The following GRXCR1 variants were observed in gnomAD, a reference collection of about 807,000 sequenced individuals.
The protein encoded by GRXCR1 is glutaredoxin and cysteine rich domain containing 1, also known as glutaredoxin domain-containing cysteine-rich protein 1.
In GRXCR1, 27 loss-of-function variants were observed where a neutral mutation model predicts 27.3. The ratio of observed to expected loss-of-function variants is 0.99; its 90% CI spans 0.73 to 1.37. The LOEUF is 1.37. Among genes scored for constraint, GRXCR1 ranks in the 40% most tolerant of loss-of-function variants. GRXCR1 has a pLI of 0.00. For synonymous variants in GRXCR1, 122 were observed against 131.1 expected (o/e 0.93, Z 0.47); for missense variants, 379 against 354.4 (o/e 1.07, Z -0.56).
At chr4:43,022,025 T>TA (rs1165072819) in intron 3 of GRXCR1, among the ~76,000 whole-genome samples, 1 of 152,108 alleles carries the variant, frequency 6.6e-6, no homozygotes, top group Non-Finnish European at 1.5e-5. Context: ...TCCTCTTAGC[T>TA]AAAAAAGCTG....
At chr4:43,016,633 T>TTG (rs34018617) in intron 2 of GRXCR1, among the ~76,000 whole-genome samples, 153 of 149,942 alleles carry the variant, frequency 1.0e-3, no homozygotes, top group Middle Eastern at 3.5e-3. Flanking sequence ...AGTTGTGTGT[T>TTG]TGTGTGTGTG....
chr4:42,954,714 T>G (rs929885425), intron 1 of GRXCR1, among the ~76,000 whole-genome samples: 4 of 152,152 alleles, frequency 2.6e-5, no homozygotes, highest in Admixed American at 2.6e-4. Context: ...TTTGATGTTT[T>G]GTGGTCCAAA....
intron 1 of GRXCR1, among the ~76,000 whole-genome samples, chr4:42,914,965 T>C (rs1346380368): frequency 6.6e-6 from 1 of 152,150 alleles, no homozygotes; most frequent in Non-Finnish European, 1.5e-5. Flanking sequence ...TCTTCCACCA[T>C]GATTGTAAGT....
chr4:43,013,969 G>T (rs1712850606), intron 2 of GRXCR1, among the ~76,000 whole-genome samples: 1 of 151,202 alleles, frequency 6.6e-6, no homozygotes, highest in Non-Finnish European at 1.5e-5. Flanking sequence ...GCTGAAAGAA[G>T]TGGCTCAGCA....
intron 1 of GRXCR1, among the ~76,000 whole-genome samples, chr4:42,936,103 G>C (rs181252921): frequency 1.3e-3 from 196 of 151,910 alleles, no homozygotes; most frequent in African/African-American, 4.5e-3. Flanking sequence ...TGTTAATTTG[G>C]GCAACAAGGA....
chr4:42,986,917 G>A (rs1161777549), intron 2 of GRXCR1, among the ~76,000 whole-genome samples: 2 of 151,546 alleles, frequency 1.3e-5, no homozygotes, highest in African/African-American at 4.9e-5. Flanking sequence ...CAAACATTGA[G>A]TACCTTCTGT....
At chr4:42,995,243 GA>G (rs1349130431) in intron 2 of GRXCR1, among the ~76,000 whole-genome samples, 1 of 151,950 alleles carries the variant, frequency 6.6e-6, no homozygotes, top group African/African-American at 2.4e-5. Flanking sequence ...ATGTTACTAA[GA>G]AAAAAATCCT....
intron 2 of GRXCR1, among the ~76,000 whole-genome samples, chr4:43,004,320 G>C (rs964548813): frequency 6.6e-6 from 1 of 152,230 alleles, no homozygotes; most frequent in Non-Finnish European, 1.5e-5. Context: ...TCTGCTGGAG[G>C]GGTGGAGCCC....
chr4:43,009,378 G>A (rs191265541), intron 2 of GRXCR1, among the ~76,000 whole-genome samples: 41 of 152,228 alleles, frequency 2.7e-4, no homozygotes, highest in African/African-American at 9.6e-4. Context: ...GGGTATAAGA[G>A]TTCATGCTGT....
chr4:42,951,349 A>C (rs919940131), intron 1 of GRXCR1, among the ~76,000 whole-genome samples: 2 of 152,168 alleles, frequency 1.3e-5, no homozygotes, highest in Non-Finnish European at 2.9e-5. Flanking sequence ...CCCAGAGATA[A>C]TGTTTAATCA....
At chr4:42,965,281 GT>G (rs1331358464) in intron 2 of GRXCR1, among the ~76,000 whole-genome samples, 2 of 152,028 alleles carry the variant, frequency 1.3e-5, no homozygotes, top group African/African-American at 4.8e-5. Context: ...CTACCTTGCT[GT>G]TTCTTTAATT....
At chr4:42,910,512 G>A (rs1746698457) in intron 1 of GRXCR1, among the ~76,000 whole-genome samples, 1 of 152,118 alleles carries the variant, frequency 6.6e-6, no homozygotes, top group African/African-American at 2.4e-5. Flanking sequence ...GGGCTTCCGT[G>A]AATGCCCCAT....
chr4:43,008,044 T>C (rs543202974), intron 2 of GRXCR1, among the ~76,000 whole-genome samples: 8 of 152,296 alleles, frequency 5.3e-5, no homozygotes, highest in African/African-American at 1.7e-4. Context: ...TTTATTTGCT[T>C]AGTTTTATCT....
At chr4:42,923,427 G>A (rs1451061359) in intron 1 of GRXCR1, among the ~76,000 whole-genome samples, 1 of 152,072 alleles carries the variant, frequency 6.6e-6, no homozygotes, top group African/African-American at 2.4e-5. Flanking sequence ...ATCCTAATAT[G>A]CATGCAAACA....
intron 1 of GRXCR1, among the ~76,000 whole-genome samples, chr4:42,912,427 T>G (rs1746743525): frequency 6.6e-6 from 1 of 152,180 alleles, no homozygotes; most frequent in Non-Finnish European, 1.5e-5. Context: ...CAAAGAAGTA[T>G]GTGAACTTGA....
At chr4:42,974,787 A>G (rs1056005976) in intron 2 of GRXCR1, among the ~76,000 whole-genome samples, 3 of 152,162 alleles carry the variant, frequency 2.0e-5, no homozygotes, top group African/African-American at 7.2e-5. Flanking sequence ...GGGCTGTGGC[A>G]TAAACACATT....
intron 2 of GRXCR1, among the ~76,000 whole-genome samples, chr4:42,999,888 G>A (rs1389816486): frequency 6.6e-6 from 1 of 152,118 alleles, no homozygotes; most frequent in African/African-American, 2.4e-5. Context: ...GCTATCAGAT[G>A]GTTGCTGGAA....
In GRXCR1 at chr4:42,985,162, G is replaced by C. The variant is rs368862903; in HGVS notation, c.627+22028G>C. Among the ~76,000 whole-genome samples the C allele has an allele frequency of 2.6e-5, 4 of 152,254 alleles. No homozygotes were observed. The South Asian group carries it at 8.3e-4, about 32-fold the overall frequency. ...TTCTTCTGAAGGTATTTTCATGCCTGGATAATTGTTCAAATTGATATTTCT... is the reference window on the plus strand; with the variant it reads ...TTCTTCTGAAGGTATTTTCATGCCTCGATAATTGTTCAAATTGATATTTCT... On this transcript the variant is annotated intron_variant, in intron 2 of 3. Coordinates refer to ENST00000399770, the MANE Select transcript of GRXCR1 (RefSeq NM_001080476.3).
At chr4:42,913,882 T>C (rs1328052158) in intron 1 of GRXCR1, among the ~76,000 whole-genome samples, 2 of 152,154 alleles carry the variant, frequency 1.3e-5, no homozygotes, top group Non-Finnish European at 2.9e-5. Flanking sequence ...AAGGGGTCAA[T>C]GTATAGCTCA....
Sources: gnomAD v4.1 joint callset for allele counts (sites outside exome capture counted in the v4.1 genomes callset) on GRCh38, gnomAD v4.1.1 for gene constraint, MANE v1.5 for transcripts, NCBI Gene and HGNC (gene_info 2026-07-23, HGNC 2026-07-21) for gene names.